The following BLTP1 variants were observed in gnomAD, a reference collection of about 807,000 sequenced individuals.
BLTP1 encodes fragile site-associated protein.
the BLTP1 span, chr4:122,334,508 C>G: frequency 1.9e-5 from 31 of 1,612,562 alleles, no homozygotes; most frequent in Non-Finnish European, 2.5e-5. Flanking sequence ...GCAAGACTAA[C>G]ACCTTACTTC....
chr4:122,340,913 A>AG, the BLTP1 span: 3 of 807,004 alleles, frequency 3.7e-6, no homozygotes, highest in African/African-American at 1.9e-5. Flanking sequence ...ATAACACTAC[A>AG]ACATTTCTGT....
At chr4:122,316,073 G>A in the BLTP1 span, among the ~76,000 whole-genome samples, 19 of 152,186 alleles carry the variant, frequency 1.2e-4, no homozygotes, top group South Asian at 1.0e-3. Context: ...TTTATGGTAC[G>A]TGAGTTATAT....
the BLTP1 span, chr4:122,359,460 C>T: frequency 2.0e-6 from 3 of 1,481,318 alleles, no homozygotes; most frequent in Admixed American, 2.3e-5. Flanking sequence ...AGGCTTTGGC[C>T]AGGTCATAGA....
the BLTP1 span, chr4:122,239,455 G>C: frequency 1.8e-5 from 24 of 1,311,314 alleles, no homozygotes; most frequent in East Asian, 4.3e-4. Context: ...ATTGATATTT[G>C]TTTTTATGCT....
chr4:122,284,106 A>G, the BLTP1 span, among the ~76,000 whole-genome samples: 21 of 152,212 alleles, frequency 1.4e-4, no homozygotes, highest in African/African-American at 5.1e-4. Flanking sequence ...TATCTTTTGT[A>G]AAATGGCATT....
the BLTP1 span, among the ~76,000 whole-genome samples, chr4:122,294,990 A>G: frequency 2.0e-5 from 3 of 152,208 alleles, no homozygotes; most frequent in African/African-American, 7.2e-5. Flanking sequence ...CAACAGCACA[A>G]TAGACCAAGT....
the BLTP1 span, among the ~76,000 whole-genome samples, chr4:122,354,602 A>G: frequency 1.3e-5 from 2 of 151,950 alleles, no homozygotes. Context: ...GTGTATTGGA[A>G]AGCTGACTAG....
At chr4:122,201,070 T>C in the BLTP1 span, 1 of 1,613,860 alleles carries the variant, frequency 6.2e-7, no homozygotes, top group Non-Finnish European at 8.5e-7. Context: ...CAGTGTGAAT[T>C]AGAGGTTTAT....
At chr4:122,348,444 T>G in the BLTP1 span, 1 of 789,736 alleles carries the variant, frequency 1.3e-6, no homozygotes, top group South Asian at 2.5e-5. Context: ...CATTAAACAT[T>G]AGATTCTAAT....
chr4:122,300,698 G>A, the BLTP1 span, among the ~76,000 whole-genome samples: 1 of 152,076 alleles, frequency 6.6e-6, no homozygotes, highest in Non-Finnish European at 1.5e-5. Flanking sequence ...GATAATATCT[G>A]TGGTCCCTAA....
the BLTP1 span, chr4:122,344,854 C>T: frequency 1.0e-6 from 1 of 984,704 alleles, no homozygotes; most frequent in South Asian, 4.7e-5. Flanking sequence ...GGTACAGTTT[C>T]TTTTTGTTCT....
the BLTP1 span, chr4:122,361,895 C>T: frequency 1.1e-6 from 1 of 933,198 alleles, no homozygotes; most frequent in Non-Finnish European, 1.5e-6. Flanking sequence ...ATTATGGGCT[C>T]ATTTATACAA....
the BLTP1 span, chr4:122,300,919 A>C: frequency 2.2e-3 from 268 of 122,270 alleles, no homozygotes; most frequent in Middle Eastern, 7.5e-3. Flanking sequence ...TTGCCCAGGC[A>C]AAAAAAAAAA....
the BLTP1 span, among the ~76,000 whole-genome samples, chr4:122,252,368 C>T: frequency 6.7e-4 from 102 of 152,338 alleles, no homozygotes; most frequent in Middle Eastern, 3.4e-3. Flanking sequence ...GATTTCAGGA[C>T]ATGGCTCCTG....
At chr4:122,343,740 C>G in the BLTP1 span, 1 of 963,384 alleles carries the variant, frequency 1.0e-6, no homozygotes, top group East Asian at 2.6e-5. Flanking sequence ...TTGATAATAC[C>G]TATCTCATAT....
chr4:122,334,255 CAATGT>C, the BLTP1 span: 1 of 1,215,012 alleles, frequency 8.2e-7, no homozygotes, highest in Non-Finnish European at 1.2e-6. Flanking sequence ...TTCTGACTTC[CAATGT>C]TCTTTCTACC....
chr4:122,171,701 G>A, the BLTP1 span: 2 of 325,498 alleles, frequency 6.1e-6, no homozygotes, highest in African/African-American at 4.8e-5. Context: ...ACCCAAGGAT[G>A]TGGGTAGGAA....
chr4:122,187,858 TATA>T, the BLTP1 span: 3 of 1,544,356 alleles, frequency 1.9e-6, no homozygotes. Context: ...AATAGCATGA[TATA>T]ATATCTCTTA....
chr4:122,248,137 C>T, the BLTP1 span: 1 of 984,314 alleles, frequency 1.0e-6, no homozygotes, highest in African/African-American at 1.8e-5. Flanking sequence ...TTTTTCATCC[C>T]AGGTGTGAGG....
Sources: allele counts gnomAD v4.1 joint callset (sites outside exome capture counted in the v4.1 genomes callset), GRCh38; gene constraint gnomAD v4.1.1; transcripts MANE v1.5; gene names NCBI Gene and HGNC (gene_info 2026-07-23, HGNC 2026-07-21).